The following ADA2 variants were observed in gnomAD, a reference collection of about 807,000 sequenced individuals.
ADA2 encodes the protein adenosine deaminase CECR1.
A neutral mutation model predicts 44.2 loss-of-function variants in ADA2; 29 were observed. The observed-to-expected ratio is 0.66, with a 90% CI of 0.49 to 0.89. The LOEUF is 0.89. Among genes scored for constraint, ADA2 ranks in the 40% least tolerant of loss-of-function variants. The pLI, the probability that ADA2 is intolerant of heterozygous loss-of-function variation, is 0.00. For synonymous variants in ADA2, 215 were observed against 234.9 expected, an observed-to-expected ratio of 0.92 and a Z score of 0.77; for missense variants, 637 against 644.8, an observed-to-expected ratio of 0.99 and a Z score of 0.13.
At chr22:17,187,226 C>A (rs1353706922) in intron 7 of ADA2, among the ~76,000 whole-genome samples, 3 of 152,068 alleles carry the variant, frequency 2.0e-5, no homozygotes, top group Non-Finnish European at 2.9e-5. Context: ...TACTATGTTG[C>A]CCAGACTGGT....
At chr22:17,217,998 C>G (rs1283390027) in intron 1 of ADA2, among the ~76,000 whole-genome samples, 1 of 152,104 alleles carries the variant, frequency 6.6e-6, no homozygotes, top group Non-Finnish European at 1.5e-5. Flanking sequence ...ATCTCAGTGT[C>G]CTCACCTACA....
At chr22:17,219,841 A>AT (rs1313273771), upstream of ADA2, among the ~76,000 whole-genome samples, 1 of 150,270 alleles carries the variant, frequency 6.7e-6, no homozygotes, top group Non-Finnish European at 1.5e-5. Flanking sequence ...TGCCCCACTG[A>AT]TTTTTTGTAT....
intron 1 of ADA2, among the ~76,000 whole-genome samples, chr22:17,218,530 C>G (rs2062494261): frequency 6.6e-6 from 1 of 152,036 alleles, no homozygotes; most frequent in Admixed American, 6.6e-5. Flanking sequence ...TCCCACCTAC[C>G]CCATGCCACA....
At chr22:17,213,433 C>T in intron 1 of ADA2, 1 of 187,974 alleles carries the variant, frequency 5.3e-6, no homozygotes, top group South Asian at 9.2e-5. Context: ...GTTATGGAAA[C>T]AACCCAAGTG....
rs1443476823 is a variant in ADA2 at position 17,181,290 on chromosome 22, G to A, written c.*193C>T. 2.5e-5 allele frequency: 15 copies of A among 601,502 alleles called. No homozygotes were observed. Among genetic ancestry groups the A allele is most frequent in the Middle Eastern group, 4.9e-4 (1 of 2,054 alleles). The allele number at this position is 601,502 out of a possible 1,614,324, so 37.3% of individuals were successfully genotyped here. A position where few individuals can be genotyped will look rare whatever the true frequency, so the allele number is the denominator to read the frequency against. ...GCCAGAGACAGGAGAAAACCAAGAG[G>A]GTCAATGTCACTGTGGCTGAGAGAG... On this transcript the variant is annotated 3_prime_UTR_variant, in exon 10 of 10. Transcript: ENST00000399837.
intron 2 of ADA2, among the ~76,000 whole-genome samples, chr22:17,208,838 A>ATTTTTTTTTTTTTTTTTTTTTTTTTTT (rs796662081): frequency 1.4e-5 from 2 of 142,912 alleles, no homozygotes; most frequent in African/African-American, 5.3e-5. Flanking sequence ...AAAAATTAAC[A>ATTTTTTTTTTTTTTTTTTTTTTTTTTT]TTTTTTGGGG....
chr22:17,220,088 C>G (rs772833871), upstream of ADA2, among the ~76,000 whole-genome samples: 14 of 152,090 alleles, frequency 9.2e-5, no homozygotes, highest in Non-Finnish European at 1.9e-4. Flanking sequence ...AAGAGGCACT[C>G]CAAAATCTGT....
Position 17,181,245 on chromosome 22 carries a change from T to C in ADA2, c.*238A>G, listed in dbSNP as rs2061964798. On this transcript the variant is annotated 3_prime_UTR_variant, in exon 10 of 10. Transcript: ENST00000399837. ...TCAGAGAGAGGAGAAGACTCTGAAA[T>C]AGGGAAACTGGAAGAAATGGCCAGA... 6.1e-6 allele frequency: 3 copies of C among 490,268 alleles called. No homozygotes were observed. The East Asian group carries it at 1.2e-4, about 19-fold the overall frequency. 30.4% of individuals were successfully genotyped at this position (490,268 alleles called of 1,614,324 possible). A position where few individuals can be genotyped will look rare whatever the true frequency, so the allele number is the denominator to read the frequency against.
At chr22:17,213,714 C>T in intron 1 of ADA2, 1 of 244,680 alleles carries the variant, frequency 4.1e-6, no homozygotes, top group Non-Finnish European at 8.3e-6. Flanking sequence ...TGAGAAAATG[C>T]AGGAGAAGCG....
intron 4 of ADA2, chr22:17,199,442 C>CCCCT: frequency 9.8e-7 from 1 of 1,022,720 alleles, no homozygotes. Flanking sequence ...CTATCCTCTT[C>CCCCT]CCCTCCACCC....
chr22:17,195,913 AT>A (rs2062184917), intron 4 of ADA2, among the ~76,000 whole-genome samples: 1 of 151,706 alleles, frequency 6.6e-6, no homozygotes, highest in Non-Finnish European at 1.5e-5. Flanking sequence ...ACGCCTGGCT[AT>A]TTTTTTGTAT....
chr22:17,188,868 A>AAAAAAAAAAATATATATATATAT lies in ADA2; in HGVS notation c.973-422_973-421insATATATATATATATTTTTTTTTT. 1.4e-4 allele frequency: 11 copies of AAAAAAAAAAATATATATATATAT among 81,126 alleles called. 1 individual carries two copies. Among genetic ancestry groups the AAAAAAAAAAATATATATATATAT allele is most frequent in the Non-Finnish European group, 2.2e-4 (8 of 36,838 alleles). 5.0% of individuals were successfully genotyped at this position (81,126 alleles called of 1,614,324 possible). On this transcript the variant is annotated intron_variant, in intron 6 of 9. Coordinates refer to ENST00000399837, the MANE Select transcript of ADA2 (RefSeq NM_001282225.2). ...CACTACAGCCTGGCCAAGAGCAAAA[A>AAAAAAAAAAATATATATATATAT]ATATATATATATATATATTTTGTAA... is the stretch of plus-strand genomic sequence containing the variant.
chr22:17,221,260 T>C (rs1209251667), upstream of ADA2, among the ~76,000 whole-genome samples: 1 of 151,608 alleles, frequency 6.6e-6, no homozygotes, highest in African/African-American at 2.4e-5. Flanking sequence ...AAACCACCAA[T>C]TCTGAAAGTA....
At chr22:17,211,691 A>C (rs1240850649) in intron 1 of ADA2, among the ~76,000 whole-genome samples, 1 of 152,090 alleles carries the variant, frequency 6.6e-6, no homozygotes, top group African/African-American at 2.4e-5. Flanking sequence ...GCACTTTGGG[A>C]GGCTGAGGTG....
intron 1 of ADA2, chr22:17,213,568 T>C: frequency 3.3e-6 from 1 of 305,340 alleles, no homozygotes. Flanking sequence ...GTCGCAGAGC[T>C]CAGAGTGACC....
chr22:17,192,268 A>T (rs2062126572), intron 4 of ADA2, among the ~76,000 whole-genome samples: 1 of 151,996 alleles, frequency 6.6e-6, no homozygotes, highest in Non-Finnish European at 1.5e-5. Flanking sequence ...TGCACTTAAA[A>T]CAGCACATGG....
At chr22:17,197,215 A>G (rs2062202854) in intron 4 of ADA2, among the ~76,000 whole-genome samples, 1 of 152,106 alleles carries the variant, frequency 6.6e-6, no homozygotes, top group African/African-American at 2.4e-5. Flanking sequence ...ACTGGTTTGT[A>G]TCAGAACAGA....
intron 1 of ADA2, among the ~76,000 whole-genome samples, chr22:17,212,393 TC>T (rs1467236195): frequency 6.6e-6 from 1 of 152,054 alleles, no homozygotes; most frequent in Admixed American, 6.6e-5. Context: ...GCCTCCCAGC[TC>T]CTGAGTAGCT....
At chr22:17,208,890 G>A (rs1568988174) in intron 2 of ADA2, among the ~76,000 whole-genome samples, 1 of 151,254 alleles carries the variant, frequency 6.6e-6, no homozygotes. Flanking sequence ...GTGCAGAGGT[G>A]CCATCATAGC....
Sources: allele counts gnomAD v4.1 joint callset (sites outside exome capture counted in the v4.1 genomes callset), GRCh38; gene constraint gnomAD v4.1.1; transcripts MANE v1.5; gene names NCBI Gene and HGNC (gene_info 2026-07-23, HGNC 2026-07-21).